The following SPOCK3 variants were observed in gnomAD, a reference collection of about 807,000 sequenced individuals.
SPOCK3 encodes the protein testican-3.
In SPOCK3, 30 loss-of-function variants were observed where a neutral mutation model predicts 56.6. That is an observed-to-expected ratio of 0.53 (90% CI 0.40 to 0.72). SPOCK3 has a LOEUF of 0.72. Ranked by LOEUF, SPOCK3 falls within the 30% of genes least tolerant of loss-of-function variation. SPOCK3 has a pLI of 0.00. For missense variants in SPOCK3, 527 were observed against 530.0 expected, an observed-to-expected ratio of 0.99 and a Z score of 0.06; for synonymous variants, 196 against 183.3, an observed-to-expected ratio of 1.07 and a Z score of -0.56.
chr4:167,086,492 T>TTTG (rs1424223252), intron 2 of SPOCK3, among the ~76,000 whole-genome samples: 2 of 152,118 alleles, frequency 1.3e-5, no homozygotes, highest in East Asian at 3.9e-4. Flanking sequence ...CAGATGAGTC[T>TTTG]GAACATGGTT....
intron 2 of SPOCK3, among the ~76,000 whole-genome samples, chr4:167,095,396 T>C (rs1354498531): frequency 6.6e-6 from 1 of 152,116 alleles, no homozygotes; most frequent in African/African-American, 2.4e-5. Flanking sequence ...AATCTAAATT[T>C]ACACCTTAGG....
intron 2 of SPOCK3, among the ~76,000 whole-genome samples, chr4:167,233,245 A>C (rs1737366610): frequency 6.6e-6 from 1 of 152,114 alleles, no homozygotes; most frequent in South Asian, 2.1e-4. Flanking sequence ...AAGTGTGGAA[A>C]CCTGGCTCCC....
At chr4:167,139,743 C>A (rs1024080892) in intron 2 of SPOCK3, among the ~76,000 whole-genome samples, 7 of 151,934 alleles carry the variant, frequency 4.6e-5, no homozygotes. Context: ...AAAACCATTT[C>A]CATTCAAGGT....
chr4:166,909,505 G>A (rs936898303), intron 5 of SPOCK3, among the ~76,000 whole-genome samples: 6 of 151,872 alleles, frequency 4.0e-5, no homozygotes, highest in South Asian at 4.1e-4. Flanking sequence ...GAACTTGTAG[G>A]AATATTATTT....
chr4:167,222,490 TACATATGA>T (rs913741064), intron 2 of SPOCK3, among the ~76,000 whole-genome samples: 2 of 111,288 alleles, frequency 1.8e-5, no homozygotes, highest in African/African-American at 8.1e-5. Flanking sequence ...ACATATATAT[TACATATGA>T]ATATATGAAT....
chr4:167,137,073 T>C (rs1386584260), intron 2 of SPOCK3, among the ~76,000 whole-genome samples: 1 of 152,040 alleles, frequency 6.6e-6, no homozygotes, highest in African/African-American at 2.4e-5. Context: ...ATACTAAATA[T>C]AGGTAATTCT....
intron 6 of SPOCK3, among the ~76,000 whole-genome samples, chr4:166,838,885 C>T (rs1746923131): frequency 6.6e-6 from 1 of 150,806 alleles, no homozygotes; most frequent in Non-Finnish European, 1.5e-5. Context: ...TCGCTTGAAT[C>T]CGGGAGGCGG....
At chr4:167,219,980 TTA>T (rs752151527) in intron 2 of SPOCK3, among the ~76,000 whole-genome samples, 1 of 152,138 alleles carries the variant, frequency 6.6e-6, no homozygotes, top group Non-Finnish European at 1.5e-5. Context: ...CCAACCTATC[TTA>T]TATATGATAG....
chr4:167,106,504 TTATAAA>T (rs1168342065), intron 2 of SPOCK3, among the ~76,000 whole-genome samples: 1 of 151,704 alleles, frequency 6.6e-6, no homozygotes, highest in African/African-American at 2.4e-5. Context: ...AGAGGAAAGT[TTATAAA>T]TATAAGTGCC....
At chr4:167,207,833 G>A (rs1734501632) in intron 2 of SPOCK3, among the ~76,000 whole-genome samples, 1 of 151,820 alleles carries the variant, frequency 6.6e-6, no homozygotes, top group African/African-American at 2.4e-5. Flanking sequence ...TAACTAATCT[G>A]CACATTGTGC....
intron 3 of SPOCK3, among the ~76,000 whole-genome samples, chr4:167,060,078 C>G (rs1026930566): frequency 5.3e-5 from 8 of 151,624 alleles, no homozygotes; most frequent in Non-Finnish European, 8.8e-5. Context: ...GTGCAGCACA[C>G]CAGCATGGCA....
At chr4:167,116,561 T>A (rs1388868403) in intron 2 of SPOCK3, among the ~76,000 whole-genome samples, 1 of 109,058 alleles carries the variant, frequency 9.2e-6, no homozygotes. Flanking sequence ...TATGAGTATA[T>A]ATACTTTTAT....
chr4:167,111,960 A>G (rs557924601), intron 2 of SPOCK3, among the ~76,000 whole-genome samples: 4 of 151,848 alleles, frequency 2.6e-5, no homozygotes, highest in Non-Finnish European at 2.9e-5. Flanking sequence ...AGGTGTCACT[A>G]TGTTTCCCAG....
intron 6 of SPOCK3, among the ~76,000 whole-genome samples, chr4:166,826,950 T>C (rs1745543937): frequency 6.6e-6 from 1 of 152,066 alleles, no homozygotes; most frequent in Non-Finnish European, 1.5e-5. Context: ...AAAACTGAAA[T>C]AATTAGAGAC....
intron 4 of SPOCK3, among the ~76,000 whole-genome samples, chr4:166,996,782 G>A (rs1309035983): frequency 2.6e-5 from 4 of 151,956 alleles, no homozygotes; most frequent in Admixed American, 6.6e-5. Flanking sequence ...CCTTTACACC[G>A]GCAGTGGTGG....
chr4:166,798,463 G>A (rs1373537036), intron 6 of SPOCK3, among the ~76,000 whole-genome samples: 5 of 152,150 alleles, frequency 3.3e-5, no homozygotes, highest in Non-Finnish European at 7.3e-5. Flanking sequence ...ACCAGTGATG[G>A]TTATTGCTCC....
intron 3 of SPOCK3, among the ~76,000 whole-genome samples, chr4:167,057,419 C>G (rs1755023842): frequency 6.6e-6 from 1 of 152,048 alleles, no homozygotes; most frequent in South Asian, 2.1e-4. Flanking sequence ...ATGACAGGAT[C>G]AAATTCACAC....
At chr4:167,205,889 A>G (rs562839642) in intron 2 of SPOCK3, among the ~76,000 whole-genome samples, 57 of 151,650 alleles carry the variant, frequency 3.8e-4, no homozygotes, top group Non-Finnish European at 6.9e-4. Flanking sequence ...GATTACAGGC[A>G]TAAGCCACCG....
At chr4:166,777,412 G>A (rs17052594) in intron 7 of SPOCK3, among the ~76,000 whole-genome samples, 15,442 of 152,146 alleles carry the variant, frequency 0.1, 853 homozygotes, top group African/African-American at 0.15. Context: ...GCTGAGTCAC[G>A]TACTTGATAT....
Sources: allele counts gnomAD v4.1 joint callset (sites outside exome capture counted in the v4.1 genomes callset), GRCh38; gene constraint gnomAD v4.1.1; transcripts MANE v1.5; gene names NCBI Gene and HGNC (gene_info 2026-07-23, HGNC 2026-07-21).